CDH20: variants seen among roughly 807,000 people sequenced by gnomAD.
CDH20 encodes cadherin-20.
Under a neutral mutation model 74.2 loss-of-function variants are expected in CDH20, and 29 were observed. That is an observed-to-expected ratio of 0.39 (90% CI 0.29 to 0.53). The LOEUF is 0.53. Among genes scored for constraint, CDH20 ranks in the 20% least tolerant of loss-of-function variants. The probability of loss-of-function intolerance (pLI) is 0.69; values close to 1 mark genes in which losing one functional copy is unlikely to be tolerated. For missense variants in CDH20, 988 were observed against 1,048.3 expected, an observed-to-expected ratio of 0.94 and a Z score of 0.79; for synonymous variants, 469 against 405.4, an observed-to-expected ratio of 1.16 and a Z score of -1.88.
chr18:61,406,059 C>T (rs1164746087), intron 1 of CDH20, among the ~76,000 whole-genome samples: 1 of 152,034 alleles, frequency 6.6e-6, no homozygotes, highest in Non-Finnish European at 1.5e-5. Context: ...TTAGTCAATG[C>T]TACAATTCAA....
rs1329878256 is a variant in CDH20, at chr18:61,333,741, C to G, written c.-239C>G. ...AGAGACCCAGCGGGGCACCAGCCGC[C>G]CAGTGGGGGAGGCAGCTACGTGAGC... On this transcript the variant is annotated 5_prime_UTR_variant, in exon 1 of 12. Coordinates refer to ENST00000262717, the MANE Select transcript of CDH20 (RefSeq NM_031891.4). 3 of 152,968 alleles carry G rather than the reference C, an allele frequency of 2.0e-5. No individual in the cohort carries two copies. In the East Asian group the frequency reaches 5.8e-4, roughly 29 times the overall value. 9.5% of individuals were successfully genotyped at this position (152,968 alleles called of 1,614,324 possible). A position where few individuals can be genotyped will look rare whatever the true frequency, so the allele number is the denominator to read the frequency against.
chr18:61,509,161 A>C (rs1911690356), intron 6 of CDH20, among the ~76,000 whole-genome samples: 1 of 152,192 alleles, frequency 6.6e-6, no homozygotes, highest in Non-Finnish European at 1.5e-5. Flanking sequence ...AAAATCTCAC[A>C]AATCAGCACT....
chr18:61,424,233 C>G (rs1415711793), intron 1 of CDH20, among the ~76,000 whole-genome samples: 1 of 152,212 alleles, frequency 6.6e-6, no homozygotes, highest in Non-Finnish European at 1.5e-5. Context: ...ATTTCAAGTC[C>G]TCTCTTCTAG....
intron 1 of CDH20, among the ~76,000 whole-genome samples, chr18:61,376,598 CAAAGAGAAAATAA>C (rs146853882): frequency 0.03 from 4,576 of 151,816 alleles, 97 homozygotes; most frequent in African/African-American, 0.029. Flanking sequence ...GTGAGACACA[CAAAGAGAAAATAA>C]AAAGAGAAAA....
At chr18:61,500,309 G>T in intron 3 of CDH20, 74 bp from the exon 4 acceptor site, 1 of 1,504,102 alleles carries the variant, frequency 6.6e-7, no homozygotes, top group Non-Finnish European at 9.0e-7. Flanking sequence ...AATGCTTTAA[G>T]ATGGACCGCT....
intron 8 of CDH20, among the ~76,000 whole-genome samples, chr18:61,537,723 T>G (rs1429973215): frequency 6.6e-6 from 1 of 152,168 alleles, no homozygotes; most frequent in African/African-American, 2.4e-5. Context: ...TTCTGGAATT[T>G]TCATTATTCC....
rs572400084 is a variant in CDH20, at chr18:61,425,826, AC to A, written c.-152-64574del. ...GAACTTATCCATGTAAACAAAAACC[AC>A]CTGTTCCCCAAAAACTATTGAAATA... On this transcript the variant is annotated intron_variant, in intron 1 of 11. Coordinates refer to ENST00000262717, the MANE Select transcript of CDH20 (RefSeq NM_031891.4). 7.9e-5 allele frequency among the ~76,000 whole-genome samples: 12 copies of A among 152,190 alleles called. No individual in the cohort carries two copies. The South Asian group carries it at 2.3e-3, about 29-fold the overall frequency.
At chr18:61,386,530 G>C (rs530572407) in intron 1 of CDH20, among the ~76,000 whole-genome samples, 1 of 152,102 alleles carries the variant, frequency 6.6e-6, no homozygotes, top group African/African-American at 2.4e-5. Flanking sequence ...AAGCCCAAAC[G>C]AATTAAGACA....
intron 7 of CDH20, among the ~76,000 whole-genome samples, chr18:61,528,481 A>ACACC (rs755504850): frequency 2.0e-4 from 30 of 149,318 alleles, no homozygotes; most frequent in South Asian, 1.1e-3. Context: ...ACACACACAC[A>ACACC]CCCCTTAGTT....
At chr18:61,411,395 C>T (rs1231027937) in intron 1 of CDH20, among the ~76,000 whole-genome samples, 2 of 152,052 alleles carry the variant, frequency 1.3e-5, no homozygotes, top group African/African-American at 2.4e-5. Context: ...CCAGCAATCC[C>T]ACTACTGGGT....
At chr18:61,493,306 C>A (rs1911023954) in intron 2 of CDH20, among the ~76,000 whole-genome samples, 2 of 152,162 alleles carry the variant, frequency 1.3e-5, no homozygotes, top group African/African-American at 4.8e-5. Flanking sequence ...ATTAGATTAA[C>A]TATGCCGGTG....
intron 1 of CDH20, among the ~76,000 whole-genome samples, chr18:61,358,861 C>T (rs556655602): frequency 6.6e-6 from 1 of 152,040 alleles, no homozygotes; most frequent in South Asian, 2.1e-4. Flanking sequence ...ATTCACTGGA[C>T]TTTTGGTTTC....
chr18:61,398,422 G>T (rs924513320), intron 1 of CDH20, among the ~76,000 whole-genome samples: 1 of 152,122 alleles, frequency 6.6e-6, no homozygotes, highest in African/African-American at 2.4e-5. Flanking sequence ...CAAGTAGCTG[G>T]TTATGATTAG....
chr18:61,380,357 A>C (rs1911392538), intron 1 of CDH20, among the ~76,000 whole-genome samples: 1 of 152,238 alleles, frequency 6.6e-6, no homozygotes, highest in Admixed American at 6.5e-5. Context: ...TATATATTAT[A>C]AATACCATAG....
chr18:61,333,850 G>C (rs921840094), intron 1 of CDH20, 23 bp downstream of exon 1: 1 of 152,266 alleles, frequency 6.6e-6, no homozygotes, highest in African/African-American at 2.4e-5. Context: ...GCTCGGGTCG[G>C]GCCCCGCTTC....
intron 1 of CDH20, among the ~76,000 whole-genome samples, chr18:61,477,255 A>G (rs566547935): frequency 6.6e-6 from 1 of 152,304 alleles, no homozygotes; most frequent in East Asian, 1.9e-4. Context: ...TAAGGAGAAG[A>G]CAATGTTGCA....
intron 1 of CDH20, among the ~76,000 whole-genome samples, chr18:61,418,877 G>T (rs951491533): frequency 1.3e-5 from 2 of 152,124 alleles, no homozygotes; most frequent in East Asian, 1.9e-4. Context: ...TGCACATAGG[G>T]AAATATTTTG....
In CDH20 at chr18:61,528,113, G is replaced by C; in HGVS notation, c.1164G>C (p.Val388=). The part of the protein sequence containing the change: ...ISVEDVDEPP[V]FEPGFYFVEV... ...TGGAAGACGTGGACGAGCCCCCTGT[G>C]TTTGAACCTGGCTTTTACTTTGTGG... is the stretch of plus-strand genomic sequence containing the variant. Residue 388 remains valine (V), a synonymous_variant, in exon 7 of 12, where the codon GTG becomes GTC. Transcript: ENST00000262717. 1 of 1,614,168 alleles carries C rather than the reference G, an allele frequency of 6.2e-7. No individual in the cohort carries two copies.
chr18:61,352,149 A>G (rs1027410644), intron 1 of CDH20, among the ~76,000 whole-genome samples: 1 of 152,214 alleles, frequency 6.6e-6, no homozygotes, highest in Non-Finnish European at 1.5e-5. Context: ...ACACATCTTA[A>G]TAAACCATAA....
Sources: allele counts gnomAD v4.1 joint callset (sites outside exome capture counted in the v4.1 genomes callset), GRCh38; gene constraint gnomAD v4.1.1; transcripts MANE v1.5; gene names NCBI Gene and HGNC (gene_info 2026-07-23, HGNC 2026-07-21).